Variants in PPP2R2B observed in about 807,000 individuals in gnomAD.
PPP2R2B encodes the protein serine/threonine-protein phosphatase 2A 55 kDa regulatory subunit B beta isoform.
Under a neutral mutation model 46.0 loss-of-function variants are expected in PPP2R2B, and 5 were observed. The observed-to-expected ratio is 0.11, with a 90% CI of 0.06 to 0.23. The LOEUF (loss-of-function observed/expected upper bound fraction) is 0.23. PPP2R2B is among the 10% of genes least tolerant of loss of function. The pLI, the probability that PPP2R2B is intolerant of heterozygous loss-of-function variation, is 1.00. For missense variants in PPP2R2B, 367 were observed against 575.0 expected (o/e 0.64, Z 3.70); for synonymous variants, 215 against 206.7 (o/e 1.04, Z -0.34).
At chr5:146,781,611 A>G (rs1266535403) in intron 2 of PPP2R2B, among the ~76,000 whole-genome samples, 1 of 143,874 alleles carries the variant, frequency 7.0e-6, no homozygotes, top group Non-Finnish European at 1.5e-5. Context: ...CTGAGCCAAG[A>G]AAAAAAAAAA....
chr5:146,631,767 A>T (rs1203755585), intron 7 of PPP2R2B, among the ~76,000 whole-genome samples: 1 of 152,210 alleles, frequency 6.6e-6, no homozygotes, highest in African/African-American at 2.4e-5. Flanking sequence ...GAAACTGTCG[A>T]GACCCAATGC....
At chr5:146,941,172 T>C (rs1764310385) in intron 1 of PPP2R2B, among the ~76,000 whole-genome samples, 1 of 152,114 alleles carries the variant, frequency 6.6e-6, no homozygotes, top group South Asian at 2.1e-4. Flanking sequence ...AAGCCTGACT[T>C]TGGAAGGCAG....
At chr5:146,814,748 G>T (rs977577985) in intron 2 of PPP2R2B, among the ~76,000 whole-genome samples, 4 of 152,184 alleles carry the variant, frequency 2.6e-5, no homozygotes, top group African/African-American at 9.7e-5. Context: ...TGCTCATGCA[G>T]ACAGCCCACC....
At chr5:146,987,922 G>A (rs1252227065) in intron 1 of PPP2R2B, among the ~76,000 whole-genome samples, 5 of 151,854 alleles carry the variant, frequency 3.3e-5, no homozygotes, top group Non-Finnish European at 5.9e-5. Flanking sequence ...TGAAAGGATG[G>A]AAAAAGATAC....
chr5:147,039,437 G>A (rs1471764891), intron 1 of PPP2R2B, among the ~76,000 whole-genome samples: 3 of 152,128 alleles, frequency 2.0e-5, no homozygotes, highest in Admixed American at 2.0e-4. Context: ...TGGGTCTGAA[G>A]ACCCAGATAG....
intron 2 of PPP2R2B, among the ~76,000 whole-genome samples, chr5:146,815,660 T>C (rs1181977751): frequency 6.6e-6 from 1 of 152,244 alleles, no homozygotes; most frequent in Non-Finnish European, 1.5e-5. Flanking sequence ...CAGACCCTTT[T>C]ACTGTTGGGT....
chr5:146,753,810 G>C (rs1378476776), intron 2 of PPP2R2B, among the ~76,000 whole-genome samples: 2 of 152,086 alleles, frequency 1.3e-5, no homozygotes, highest in Non-Finnish European at 2.9e-5. Context: ...TGACTTCTCA[G>C]CTGCTACCAT....
Position 146,598,970 on chromosome 5 carries a change from A to G in PPP2R2B, c.960+1321T>C, listed in dbSNP as rs3096090. Among the ~76,000 whole-genome samples, 713 of 152,272 alleles carry G rather than the reference A, an allele frequency of 4.7e-3. 5 individuals carry two copies. Among genetic ancestry groups the G allele is most frequent in the African/African-American group, 0.016 (673 of 41,558 alleles). On this transcript the variant is annotated intron_variant, in intron 8 of 9. Transcript: ENST00000394411. ...AATTGTGCACTTTGAAAGGCTGATT[A>G]TTATGTACATTATATCTCAAGGAAA...
chr5:146,668,699 A>C (rs577662347), intron 5 of PPP2R2B, among the ~76,000 whole-genome samples: 4 of 152,280 alleles, frequency 2.6e-5, no homozygotes, highest in Admixed American at 2.6e-4. Flanking sequence ...CTACACATGA[A>C]CTGTTGAGTT....
chr5:146,731,365 T>C (rs978588037), intron 2 of PPP2R2B, among the ~76,000 whole-genome samples: 3 of 152,240 alleles, frequency 2.0e-5, no homozygotes, highest in Admixed American at 2.0e-4. Flanking sequence ...CAGGGTCTTA[T>C]AGTATCCATT....
intron 1 of PPP2R2B, among the ~76,000 whole-genome samples, chr5:146,887,491 C>A (rs1009971205): frequency 6.6e-6 from 1 of 152,090 alleles, no homozygotes; most frequent in African/African-American, 2.4e-5. Flanking sequence ...TATATACAGA[C>A]ATACCTATAT....
intron 1 of PPP2R2B, among the ~76,000 whole-genome samples, chr5:146,905,862 T>C (rs1417354736): frequency 6.6e-6 from 1 of 152,160 alleles, no homozygotes; most frequent in African/African-American, 2.4e-5. Context: ...GATTTCAAAA[T>C]AGCAGGAGTC....
chr5:146,771,792 C>T (rs1333520939), intron 2 of PPP2R2B, among the ~76,000 whole-genome samples: 2 of 152,124 alleles, frequency 1.3e-5, no homozygotes, highest in Non-Finnish European at 2.9e-5. Context: ...TAAAAGAGGG[C>T]ATGTGACTAA....
chr5:146,910,439 G>A (rs565214279), intron 1 of PPP2R2B, among the ~76,000 whole-genome samples: 10 of 152,120 alleles, frequency 6.6e-5, no homozygotes, highest in Non-Finnish European at 1.2e-4. Flanking sequence ...TGCAAGGTTG[G>A]GAGAGCACAT....
intron 2 of PPP2R2B, among the ~76,000 whole-genome samples, chr5:146,761,023 G>A (rs1024429559): frequency 1.3e-5 from 2 of 152,190 alleles, no homozygotes; most frequent in African/African-American, 4.8e-5. Flanking sequence ...AACAGGTGCT[G>A]GAGAGGTTGT....
chr5:146,830,046 T>C (rs1582210697), intron 2 of PPP2R2B, among the ~76,000 whole-genome samples: 2 of 152,360 alleles, frequency 1.3e-5, no homozygotes, highest in African/African-American at 2.4e-5. Flanking sequence ...ATGCAAAACA[T>C]ATAGTACAAT....
intron 6 of PPP2R2B, among the ~76,000 whole-genome samples, chr5:146,643,240 T>G (rs1775341797): frequency 6.6e-6 from 1 of 152,114 alleles, no homozygotes; most frequent in African/African-American, 2.4e-5. Flanking sequence ...CTCATTTCTT[T>G]CTTTGTGTAT....
At chr5:147,027,634 CAA>C (rs10636778) in intron 1 of PPP2R2B, among the ~76,000 whole-genome samples, 5 of 125,258 alleles carry the variant, frequency 4.0e-5, no homozygotes, top group Non-Finnish European at 5.0e-5. Flanking sequence ...GACTCGGTCT[CAA>C]AAAAAAAAAA....
chr5:146,719,581 A>G (rs1473878458), intron 2 of PPP2R2B, among the ~76,000 whole-genome samples: 1 of 152,126 alleles, frequency 6.6e-6, no homozygotes, highest in Non-Finnish European at 1.5e-5. Flanking sequence ...GCTCCTCAAT[A>G]TATATAATTT....
Sources: gnomAD v4.1 joint callset for allele counts (sites outside exome capture counted in the v4.1 genomes callset) on GRCh38, gnomAD v4.1.1 for gene constraint, MANE v1.5 for transcripts, NCBI Gene and HGNC (gene_info 2026-07-23, HGNC 2026-07-21) for gene names.